Variants in PTBP3 observed in about 807,000 individuals in gnomAD.
The protein encoded by PTBP3 is polypyrimidine tract-binding protein 3.
Under a neutral mutation model 58.7 loss-of-function variants are expected in PTBP3, and 20 were observed. That is an observed-to-expected ratio of 0.34 (90% confidence interval 0.24 to 0.50). The LOEUF is 0.50. PTBP3 is among the 20% of genes least tolerant of loss of function. The pLI, the probability that PTBP3 is intolerant of heterozygous loss-of-function variation, is 0.98. For synonymous variants in PTBP3, 185 were observed against 219.8 expected, an observed-to-expected ratio of 0.84 and a Z score of 1.40; for missense variants, 509 against 637.2, an observed-to-expected ratio of 0.80 and a Z score of 2.17.
chr9:112,333,727 C>T (rs1159337726), upstream of PTBP3: 9 of 365,462 alleles, frequency 2.5e-5, no homozygotes, highest in Non-Finnish European at 3.9e-5. Flanking sequence ...TCACCGTCCC[C>T]GCCCTCCCTC....
At chr9:112,264,123 GA>G (rs1033112188) in intron 4 of PTBP3, among the ~76,000 whole-genome samples, 1 of 152,086 alleles carries the variant, frequency 6.6e-6, no homozygotes, top group African/African-American at 2.4e-5. Flanking sequence ...GTATGATCAG[GA>G]AAACAAATTT....
At chr9:112,352,559 G>C in the PTBP3 span, among the ~76,000 whole-genome samples, 1 of 152,298 alleles carries the variant, frequency 6.6e-6, no homozygotes, top group East Asian at 1.9e-4. Context: ...CTTAACGTCT[G>C]AAAATGAACC....
chr9:112,288,950 A>G (rs1462121796), intron 2 of PTBP3, among the ~76,000 whole-genome samples: 2 of 152,224 alleles, frequency 1.3e-5, no homozygotes, highest in Non-Finnish European at 2.9e-5. Flanking sequence ...TTATTAAATC[A>G]TAGCCTTCAA....
At chr9:112,349,756 C>T in the PTBP3 span, among the ~76,000 whole-genome samples, 2 of 146,678 alleles carry the variant, frequency 1.4e-5, no homozygotes, top group Admixed American at 7.0e-5. Context: ...CCCAGCTACT[C>T]GGCAGGCTGA....
At chr9:112,263,369 A>G (rs1836676762) in intron 4 of PTBP3, among the ~76,000 whole-genome samples, 1 of 152,198 alleles carries the variant, frequency 6.6e-6, no homozygotes, top group South Asian at 2.1e-4. Context: ...ACAACTTTAT[A>G]GTGGAGAAGG....
the PTBP3 span, among the ~76,000 whole-genome samples, chr9:112,376,156 G>GATATATATATATATATATATATAT: frequency 9.4e-5 from 11 of 116,812 alleles, no homozygotes; most frequent in African/African-American, 3.3e-4. Flanking sequence ...TTCTCTAGAG[G>GATATATATATATATATATATATAT]ATATATATAT....
intron 1 of PTBP3, among the ~76,000 whole-genome samples, chr9:112,303,352 TGTTA>T (rs1829031661): frequency 1.3e-5 from 2 of 152,228 alleles, no homozygotes; most frequent in African/African-American, 4.8e-5. Flanking sequence ...GGTTCCAGAA[TGTTA>T]GTTCATTAAC....
chr9:112,362,898 T>G, the PTBP3 span: 13 of 301,358 alleles, frequency 4.3e-5, no homozygotes, highest in Non-Finnish European at 3.2e-5. Flanking sequence ...AGAGAAGCAA[T>G]GAAAACACAA....
rs188812360 is a variant in PTBP3 at position 112,231,766 on chromosome 9, G to A, written c.1020+333C>T. Among the ~76,000 whole-genome samples, 267 of 151,796 alleles carry A rather than the reference G, an allele frequency of 1.8e-3. 1 individual carries two copies. Among genetic ancestry groups the A allele is most frequent in the Non-Finnish European group, 3.1e-3 (213 of 67,932 alleles). On this transcript the variant is annotated intron_variant, in intron 9 of 13. Transcript: ENST00000374257. ...AAGAATTAAAAAAAAAAATTAGCCA[G>A]GCGTGGTAGTGGGCACCTGTAATCC...
chr9:112,305,574 C>T (rs953955369), intron 1 of PTBP3, among the ~76,000 whole-genome samples: 10 of 152,182 alleles, frequency 6.6e-5, no homozygotes, highest in Non-Finnish European at 1.3e-4. Context: ...TCCCAGGACC[C>T]TGCCTTAGGC....
chr9:112,340,884 A>AAAAT, the PTBP3 span, among the ~76,000 whole-genome samples: 3 of 124,320 alleles, frequency 2.4e-5, 1 homozygote, highest in African/African-American at 9.6e-5. Context: ...CTCAAAAAAA[A>AAAAT]AAAATAAATA....
chr9:112,296,214 C>T (rs984510487), intron 2 of PTBP3, among the ~76,000 whole-genome samples: 1 of 151,992 alleles, frequency 6.6e-6, no homozygotes, highest in African/African-American at 2.4e-5. Flanking sequence ...TAAAACAACA[C>T]CTAAACAGAA....
intron 9 of PTBP3, 129 bp downstream of exon 9, chr9:112,231,970 A>G (rs1807180106): frequency 2.9e-6 from 1 of 350,124 alleles, no homozygotes; most frequent in Admixed American, 7.2e-5. Flanking sequence ...AAGAGAAGAG[A>G]GAAGAGAAGA....
At chr9:112,263,382 G>A (rs559517889) in intron 4 of PTBP3, among the ~76,000 whole-genome samples, 27 of 152,170 alleles carry the variant, frequency 1.8e-4, no homozygotes, top group African/African-American at 6.5e-4. Context: ...GGAGAAGGCT[G>A]GCAAACACCA....
Position 112,285,900 on chromosome 9 carries a change from C to T in PTBP3, c.35-9887G>A, listed in dbSNP as rs115850459. Among the ~76,000 whole-genome samples, 1,313 of 152,304 alleles carry T rather than the reference C, an allele frequency of 8.6e-3. 22 individuals carry two copies. The highest frequency in any genetic ancestry group is 0.03 in the African/African-American group (1,251 of 41,556). On this transcript the variant is annotated intron_variant, in intron 2 of 13. Transcript: ENST00000374257. ...CTACTATACCATCAATGACTGACAG[C>T]AGAGTGCTATCTCTAAATATACTTG...
intron 7 of PTBP3, 71 bp from the exon 8 acceptor site, chr9:112,234,968 G>T: frequency 7.6e-7 from 1 of 1,323,474 alleles, no homozygotes; most frequent in Non-Finnish European, 1.1e-6. Flanking sequence ...AATATAAAAT[G>T]GCTCTATGAA....
chr9:112,252,424 T>C (rs1039372831), intron 6 of PTBP3: 6 of 446,560 alleles, frequency 1.3e-5, no homozygotes, highest in South Asian at 9.1e-5. Context: ...ATTCTAGACT[T>C]TAAACATGAC....
intron 4 of PTBP3, among the ~76,000 whole-genome samples, chr9:112,267,204 C>A (rs1351981528): frequency 6.7e-6 from 1 of 149,822 alleles, no homozygotes; most frequent in Non-Finnish European, 1.5e-5. Flanking sequence ...GTCTCGCTCT[C>A]ACCCAGGCTG....
the PTBP3 span, among the ~76,000 whole-genome samples, chr9:112,340,136 T>C: frequency 1.3e-5 from 2 of 152,032 alleles, no homozygotes; most frequent in African/African-American, 4.8e-5. Flanking sequence ...CCTGGCTAAT[T>C]TTTGCTGGTG....
Sources: allele counts gnomAD v4.1 joint callset (sites outside exome capture counted in the v4.1 genomes callset), GRCh38; gene constraint gnomAD v4.1.1; transcripts MANE v1.5; gene names NCBI Gene and HGNC (gene_info 2026-07-23, HGNC 2026-07-21).